C5: variants seen among roughly 807,000 people sequenced by gnomAD.
C5 encodes the protein complement C5, also known as C3 and PZP-like alpha-2-macroglobulin domain-containing protein 4.
A neutral mutation model predicts 218.8 loss-of-function variants in C5; 140 were observed. The observed-to-expected ratio is 0.64, with a 90% CI of 0.56 to 0.74. The LOEUF is 0.74. Ranked by LOEUF, C5 falls within the 30% of genes least tolerant of loss-of-function variation. C5 has a pLI of 0.00. For missense variants in C5, 1,700 were observed against 1,969.6 expected (o/e 0.86, Z 2.59); for synonymous variants, 614 against 682.3 (o/e 0.90, Z 1.56).
chr9:120,991,098 G>T, intron 23 of C5, 93 bp downstream of exon 23: 2 of 829,044 alleles, frequency 2.4e-6, no homozygotes, highest in Non-Finnish European at 4.2e-6. Context: ...TACTGAACAC[G>T]GAAGTGGAGA....
At chr9:120,995,175 G>A (rs539614190) in intron 22 of C5, among the ~76,000 whole-genome samples, 1 of 152,198 alleles carries the variant, frequency 6.6e-6, no homozygotes, top group African/African-American at 2.4e-5. Flanking sequence ...ATACTCAGAT[G>A]AATTAAAGTG....
the C5 span, among the ~76,000 whole-genome samples, chr9:121,068,208 TG>T: frequency 6.6e-6 from 1 of 152,180 alleles, no homozygotes; most frequent in Non-Finnish European, 1.5e-5. Flanking sequence ...TATTTGCAGA[TG>T]ACATAATTCT....
intron 21 of C5, among the ~76,000 whole-genome samples, 181 bp downstream of exon 21, chr9:120,997,366 C>T (rs568900962): frequency 2.1e-4 from 32 of 152,024 alleles, no homozygotes; most frequent in Non-Finnish European, 3.2e-4. Flanking sequence ...TTTTTAAGCA[C>T]GATTTCAGAC....
At chr9:120,968,928 T>C (rs2046889051) in intron 33 of C5, 133 bp downstream of exon 33, 1 of 768,552 alleles carries the variant, frequency 1.3e-6, no homozygotes, top group African/African-American at 1.7e-5. Flanking sequence ...AATATATATG[T>C]TCTGCATTTT....
chr9:121,046,087 G>A, intron 2 of C5, 104 bp downstream of exon 2: 1 of 547,050 alleles, frequency 1.8e-6, no homozygotes, highest in Non-Finnish European at 3.1e-6. Context: ...CACAGTGGAT[G>A]TAAATGATTA....
At chr9:120,976,040 C>T (rs2046950896) in intron 29 of C5, among the ~76,000 whole-genome samples, 1 of 151,960 alleles carries the variant, frequency 6.6e-6, no homozygotes, top group South Asian at 2.1e-4. Flanking sequence ...ATAATTGTAC[C>T]CAAAATAAAA....
At chr9:120,975,016 G>T (rs2046942944) in intron 29 of C5, 85 bp from the exon 30 acceptor site, 2 of 1,459,660 alleles carry the variant, frequency 1.4e-6, no homozygotes, top group South Asian at 1.1e-5. Flanking sequence ...TGAGAGGGTA[G>T]GGCAGCATTG....
rs1338062306 is a variant in C5, at chr9:120,997,649, C to T, written c.2688G>A (p.Val896=). 1.9e-6 allele frequency: 3 copies of T among 1,614,176 alleles called. No individual in the cohort carries two copies. In the South Asian group the frequency reaches 3.3e-5, roughly 18 times the overall value. The change falls in exon 21 of 41, where the codon GTG becomes GTA. Residue 896 remains valine, a synonymous_variant. Coordinates refer to ENST00000223642, the MANE Select transcript of C5 (RefSeq NM_001735.3). ...QKVEGSSSHL[V]TFTVLPLEIG... The stretch of plus-strand genomic sequence containing the variant: ...TTTCCAGAGGAAGCACAGTGAATGT[C>T]ACCAAGTGACTGGAGGAGCCCTCTA...
chr9:121,025,311 T>G, intron 9 of C5, 143 bp downstream of exon 9: 1 of 1,020,154 alleles, frequency 9.8e-7, no homozygotes, highest in Non-Finnish European at 1.3e-6. Context: ...AGTCTACTTC[T>G]TATAATTATA....
chr9:121,023,470 A>T lies in C5; in HGVS notation c.1050T>A (p.Ser350=), dbSNP rs1172511663. The T allele has an allele frequency of 3.1e-6, 5 of 1,614,054 alleles. No homozygotes were observed. Among genetic ancestry groups the T allele is most frequent in the Non-Finnish European group, 4.2e-6 (5 of 1,179,896 alleles). ...TAGCAACCAAATTCAGTTTGTAGGG[A>T]GAGAGGACATATTTGATGCCAGGTA... is the stretch of plus-strand genomic sequence containing the variant. ...AEIPGIKYVL[S]PYKLNLVATP... is the part of the protein sequence containing the mutation. The change falls in exon 10 of 41, where the codon TCT becomes TCA. Residue 350 remains serine (S), a synonymous_variant. Transcript: ENST00000223642.
the C5 span, among the ~76,000 whole-genome samples, chr9:121,058,154 C>G: frequency 5.9e-5 from 9 of 152,264 alleles, no homozygotes; most frequent in Non-Finnish European, 8.8e-5. Flanking sequence ...CAATAGCTAC[C>G]CATTATTAGC....
chr9:121,074,484 G>C, the C5 span, among the ~76,000 whole-genome samples: 2 of 152,330 alleles, frequency 1.3e-5, no homozygotes, highest in East Asian at 3.9e-4. Flanking sequence ...TGGGCAGTTC[G>C]GTCCCTGGAG....
At chr9:120,976,556 C>T in intron 29 of C5, 144 bp downstream of exon 29, 1 of 750,714 alleles carries the variant, frequency 1.3e-6, no homozygotes. Context: ...ACGCAGATAA[C>T]CTGTAGGGGT....
the C5 span, among the ~76,000 whole-genome samples, chr9:121,065,059 G>A: frequency 1.5e-5 from 2 of 130,738 alleles, no homozygotes; most frequent in Non-Finnish European, 3.3e-5. Context: ...GACAGAGTGA[G>A]ACTCCATCTA....
At chr9:121,002,252 A>G (rs28731126) in intron 20 of C5, among the ~76,000 whole-genome samples, 3,876 of 42,816 alleles carry the variant, frequency 0.091, 231 homozygotes, top group African/African-American at 0.16. Context: ...ATGTATATAT[A>G]TGTATATATG....
Position 120,952,795 on chromosome 9 carries a change from C to T in C5, c.4975G>A (p.Ala1659Thr), listed in dbSNP as rs754984240. 2 of 1,613,958 alleles carry T rather than the reference C, an allele frequency of 1.2e-6. No individual in the cohort carries two copies. The highest frequency in any genetic ancestry group is 2.2e-5 in the South Asian group (2 of 91,084). Reference sequence around the variant, plus strand: ...AATTCATCTAAATTAGCTAAAAATGCTTGACACGATGAACATGTTGTGTCT... The same window carrying T: ...AATTCATCTAAATTAGCTAAAAATGTTTGACACGATGAACATGTTGTGTCT... Reference protein sequence around the residue: ...PRDTTCSSCQAFLANLDEFAE... With the variant: ...PRDTTCSSCQTFLANLDEFAE... The change falls in exon 41 of 41, where the codon GCA becomes ACA. Residue 1659 changes from alanine (A) to threonine (T), a missense_variant. Ala to Thr is a moderately conservative substitution (Grantham distance 58). Transcript: ENST00000223642.
At chr9:120,958,518 G>T (rs2046802782) in intron 38 of C5, among the ~76,000 whole-genome samples, 1 of 150,932 alleles carries the variant, frequency 6.6e-6, no homozygotes, top group African/African-American at 2.4e-5. Flanking sequence ...AAGTCTTCAT[G>T]TATTTAACAA....
At chr9:121,028,794 C>G (rs1242286291) in intron 7 of C5, among the ~76,000 whole-genome samples, 2 of 152,080 alleles carry the variant, frequency 1.3e-5, no homozygotes, top group African/African-American at 4.8e-5. Context: ...ACCTATGTAA[C>G]AAACCTGCAC....
chr9:121,061,675 C>A, the C5 span, among the ~76,000 whole-genome samples: 1 of 152,130 alleles, frequency 6.6e-6, no homozygotes, highest in African/African-American at 2.4e-5. Context: ...TGACTTTTAT[C>A]ATTCATCTTC....
Sources: allele counts gnomAD v4.1 joint callset (sites outside exome capture counted in the v4.1 genomes callset), GRCh38; gene constraint gnomAD v4.1.1; transcripts MANE v1.5; gene names NCBI Gene and HGNC (gene_info 2026-07-23, HGNC 2026-07-21).